The following TXLNA variants were observed in gnomAD, a reference collection of about 807,000 sequenced individuals.
The protein encoded by TXLNA is taxilin alpha.
Under a neutral mutation model 61.4 loss-of-function variants are expected in TXLNA, and 9 were observed. The observed-to-expected ratio is 0.15, with a 90% confidence interval of 0.09 to 0.26. TXLNA has a LOEUF of 0.26. Among genes scored for constraint, TXLNA ranks in the 10% least tolerant of loss-of-function variants. The probability of loss-of-function intolerance (pLI) is 1.00; values close to 1 mark genes in which losing one functional copy is unlikely to be tolerated. For synonymous variants in TXLNA, 257 were observed against 267.7 expected, an observed-to-expected ratio of 0.96 and a Z score of 0.39; for missense variants, 565 against 688.8, an observed-to-expected ratio of 0.82 and a Z score of 2.01.
intron 5 of TXLNA, among the ~76,000 whole-genome samples, chr1:32,189,414 T>G (rs188450817): frequency 6.6e-6 from 1 of 152,330 alleles, no homozygotes; most frequent in East Asian, 1.9e-4. Flanking sequence ...GCTTGGTCTC[T>G]GGGGGTACAG....
At chr1:32,190,275 T>C (rs1388598901) in intron 6 of TXLNA, 26 bp downstream of exon 6, 3 of 1,565,346 alleles carry the variant, frequency 1.9e-6, no homozygotes, top group African/African-American at 1.4e-5. Context: ...ACAGCAGTCA[T>C]GGCCCAGAAA....
chr1:32,184,257 G>A (rs558510643), intron 3 of TXLNA, among the ~76,000 whole-genome samples: 27 of 152,160 alleles, frequency 1.8e-4, no homozygotes, highest in Admixed American at 9.2e-4. Flanking sequence ...CCTGCCAATG[G>A]TGCCTACTAA....
intron 6 of TXLNA, among the ~76,000 whole-genome samples, chr1:32,191,596 A>G (rs762571728): frequency 5.3e-5 from 8 of 152,078 alleles, no homozygotes; most frequent in Admixed American, 1.3e-4. Context: ...ACCTGTGGAG[A>G]AGGAGGTGCA....
chr1:32,182,930 G>T (rs1642698397), intron 3 of TXLNA, among the ~76,000 whole-genome samples: 1 of 151,080 alleles, frequency 6.6e-6, no homozygotes, highest in Non-Finnish European at 1.5e-5. Flanking sequence ...AGCCGGGCGT[G>T]GTGGCACGTG....
intron 3 of TXLNA, among the ~76,000 whole-genome samples, chr1:32,181,962 G>T (rs57619569): frequency 0.027 from 4,063 of 152,228 alleles, 183 homozygotes; most frequent in African/African-American, 0.092. Flanking sequence ...CTAGGCCAGA[G>T]TTGAAAACCC....
At position 32,194,130 on chromosome 1, in the gene TXLNA, C is replaced by T. The variant is rs1208236766; in HGVS notation, c.1317C>T (p.Ser439=). 4.3e-6 allele frequency: 7 copies of T among 1,613,910 alleles called. No individual in the cohort carries two copies. In the East Asian group the frequency reaches 1.6e-4, roughly 36 times the overall value. ...TTMYRSRWES[S]NKALLEMAEE... ...TGTACCGGTCCCGGTGGGAGAGCAG[C>T]AACAAGGCCCTGCTTGAGATGGCTG... The change falls in exon 10 of 11, where the codon AGC becomes AGT. Residue 439 remains serine, a synonymous_variant. Transcript: ENST00000373610.
chr1:32,187,843 C>A, intron 4 of TXLNA, 111 bp from the exon 5 acceptor site: 1 of 1,235,006 alleles, frequency 8.1e-7, no homozygotes, highest in Non-Finnish European at 1.1e-6. Flanking sequence ...TGCTCCTGGC[C>A]TGAGAGGGTA....
At chr1:32,185,382 G>GTATTTATT (rs555425928) in intron 4 of TXLNA, among the ~76,000 whole-genome samples, 43 of 148,952 alleles carry the variant, frequency 2.9e-4, no homozygotes, top group East Asian at 9.7e-4. Flanking sequence ...ATGTATGTAT[G>GTATTTATT]TATGTATTTA....
At position 32,180,394 on chromosome 1, in the gene TXLNA, A is replaced by T; in HGVS notation, c.49A>T (p.Lys17Ter). 1 of 1,614,088 alleles carries T rather than the reference A, an allele frequency of 6.2e-7. No individual in the cohort carries two copies. The highest frequency in any genetic ancestry group is 8.5e-7 in the Non-Finnish European group (1 of 1,179,966). The part of the protein sequence containing the change: ...KNGAAKQSNP[K>*]SSPGQPEAGP... ...CGGGGCTGCCAAACAATCCAATCCA[A>T]AAAGCAGCCCAGGACAACCGGAAGC... The change falls in exon 2 of 11, where the codon AAA (lysine) becomes TAA (stop). Residue 17 changes from lysine (K) to a stop codon, truncating the protein, a stop_gained. Transcript: ENST00000373610. LOFTEE classifies it high-confidence loss of function.
intron 6 of TXLNA, among the ~76,000 whole-genome samples, chr1:32,191,361 T>G (rs1642903581): frequency 6.6e-6 from 1 of 152,154 alleles, no homozygotes; most frequent in African/African-American, 2.4e-5. Context: ...GTGATGATCG[T>G]GTGTGCAGGA....
chr1:32,195,600 C>A lies in TXLNA; in HGVS notation c.*405C>A. 5.0e-6 allele frequency: 2 copies of A among 397,210 alleles called. No individual in the cohort carries two copies. 24.6% of individuals were successfully genotyped at this position (397,210 alleles called of 1,614,324 possible). ...CCTTCAGAGCTCAAGACAAGTAATA[C>A]ACCCAGGTCTTGACTGCATTTGTCT... On this transcript the variant is annotated 3_prime_UTR_variant, in exon 11 of 11. Transcript: ENST00000373610.
Position 32,195,928 on chromosome 1 carries a change from A to G in TXLNA, c.*733A>G. 1 of 235,762 alleles carries G rather than the reference A, an allele frequency of 4.2e-6. No homozygotes were observed. The highest frequency in any genetic ancestry group is 8.8e-6 in the Non-Finnish European group (1 of 113,662). 14.6% of individuals were successfully genotyped at this position (235,762 alleles called of 1,614,324 possible). ...AGCCTGCACAAATGATTGACAAGAGATCACCCAAAGGATTATTTCTGAAGG... is the reference window on the plus strand; with the variant it reads ...AGCCTGCACAAATGATTGACAAGAGGTCACCCAAAGGATTATTTCTGAAGG... On this transcript the variant is annotated 3_prime_UTR_variant, in exon 11 of 11. Coordinates refer to ENST00000373610, the MANE Select transcript of TXLNA (RefSeq NM_175852.4).
chr1:32,181,800 G>A (rs1253061072), intron 3 of TXLNA, among the ~76,000 whole-genome samples: 1 of 152,220 alleles, frequency 6.6e-6, no homozygotes, highest in East Asian at 1.9e-4. Context: ...CTGGAGCTTG[G>A]CATGGGACCT....
chr1:32,193,955 G>A (rs1642960231), intron 9 of TXLNA, 110 bp from the exon 10 acceptor site: 1 of 824,890 alleles, frequency 1.2e-6, no homozygotes, highest in Admixed American at 2.3e-5. Context: ...CTTGCGCCTT[G>A]GGATCAATCA....
At chr1:32,186,003 G>A (rs1642782540) in intron 4 of TXLNA, among the ~76,000 whole-genome samples, 1 of 152,106 alleles carries the variant, frequency 6.6e-6, no homozygotes, top group South Asian at 2.1e-4. Context: ...TGGCCTCTAA[G>A]TATTTATTTT....
chr1:32,195,455 G>T lies in TXLNA; in HGVS notation c.*260G>T. ...GGGGTGTGTACAGATGAAGTCAGTG[G>T]CTTGTCTGTGAGCTGAAGAGTCTTG... is the stretch of plus-strand genomic sequence containing the variant. On this transcript the variant is annotated 3_prime_UTR_variant, in exon 11 of 11. Transcript: ENST00000373610. 1.8e-6 allele frequency: 1 copy of T among 565,560 alleles called. No homozygotes were observed. The highest frequency in any genetic ancestry group is 2.1e-5 in the South Asian group (1 of 46,618). 35.0% of individuals were successfully genotyped at this position (565,560 alleles called of 1,614,324 possible).
chr1:32,182,953 G>T (rs1364498321), intron 3 of TXLNA, among the ~76,000 whole-genome samples: 1 of 151,420 alleles, frequency 6.6e-6, no homozygotes, highest in African/African-American at 2.4e-5. Context: ...TATAATCCCA[G>T]ATACTCGGGA....
rs1485097166 is a variant in TXLNA, at chr1:32,181,413, G to A, written c.341G>A (p.Arg114Gln). 37 of 1,614,088 alleles carry A rather than the reference G, an allele frequency of 2.3e-5. No homozygotes were observed. Among genetic ancestry groups the A allele is most frequent in the Non-Finnish European group, 2.9e-5 (34 of 1,180,058 alleles). The change falls in exon 3 of 11, where the codon CGG (arginine) becomes CAG (glutamine). Residue 114 changes from arginine to glutamine, a missense_variant. Arg to Gln is a conservative substitution (Grantham distance 43). Transcript: ENST00000373610. ...PAEPEDAEKSRTYVARNGEPE... is the reference protein window; with the variant it reads ...PAEPEDAEKSQTYVARNGEPE... ...GAACCCGAAGATGCAGAGAAGTCCC[G>A]GACCTATGTGGCAAGGAATGGGGAG... is the stretch of plus-strand genomic sequence containing the variant.
chr1:32,196,271 C>T lies in TXLNA; in HGVS notation c.*1076C>T, dbSNP rs982567269. ...CCACCAGTTCCCATCAGCACTGTCT[C>T]CATGCAGCAGTTGCTGGGTCCCATG... On this transcript the variant is annotated 3_prime_UTR_variant, in exon 11 of 11. Transcript: ENST00000373610. The T allele has an allele frequency of 6.6e-6, 1 of 152,552 alleles. No homozygotes were observed. Among genetic ancestry groups the T allele is most frequent in the Non-Finnish European group, 1.5e-5 (1 of 68,276 alleles). 9.4% of individuals were successfully genotyped at this position (152,552 alleles called of 1,614,324 possible). A position where few individuals can be genotyped will look rare whatever the true frequency, so the allele number is the denominator to read the frequency against.
Sources: gnomAD v4.1 joint callset for allele counts (sites outside exome capture counted in the v4.1 genomes callset) on GRCh38, gnomAD v4.1.1 for gene constraint, MANE v1.5 for transcripts, NCBI Gene and HGNC (gene_info 2026-07-23, HGNC 2026-07-21) for gene names.